Variants in HSD17B12 observed in about 807,000 individuals in gnomAD.
HSD17B12 encodes very-long-chain 3-oxoacyl-CoA reductase.
In HSD17B12, 32 loss-of-function variants were observed where a neutral mutation model predicts 39.3. The observed-to-expected ratio is 0.81, with a 90% CI of 0.61 to 1.09. The LOEUF (loss-of-function observed/expected upper bound fraction) is 1.09. Ranked by LOEUF, HSD17B12 falls within the 50% of genes least tolerant of loss-of-function variation. The pLI is 0.00. For missense variants in HSD17B12, 342 were observed against 382.9 expected, an observed-to-expected ratio of 0.89 and a Z score of 0.89; for synonymous variants, 150 against 146.7, an observed-to-expected ratio of 1.02 and a Z score of -0.16.
intron 1 of HSD17B12, among the ~76,000 whole-genome samples, chr11:43,748,641 A>T (rs1950437915): frequency 6.6e-6 from 1 of 152,236 alleles, no homozygotes; most frequent in Non-Finnish European, 1.5e-5. Flanking sequence ...AACAAAAGTT[A>T]TGAATTGATC....
chr11:43,792,273 T>G (rs962906191), intron 3 of HSD17B12, among the ~76,000 whole-genome samples: 11 of 152,220 alleles, frequency 7.2e-5, no homozygotes, highest in Non-Finnish European at 1.5e-4. Flanking sequence ...TACAAAAGAC[T>G]TGTCTTGCAT....
intron 3 of HSD17B12, among the ~76,000 whole-genome samples, chr11:43,766,793 C>A (rs955748667): frequency 6.6e-6 from 1 of 152,154 alleles, no homozygotes; most frequent in African/African-American, 2.4e-5. Context: ...AGCTTATGGT[C>A]CAATTTTGGC....
intron 4 of HSD17B12, 50 bp downstream of exon 4, chr11:43,798,477 C>A: frequency 1.7e-6 from 2 of 1,187,408 alleles, no homozygotes; most frequent in Non-Finnish European, 2.5e-6. Flanking sequence ...TATTATTTGA[C>A]TTTATGACTT....
At chr11:43,558,563 G>C in the HSD17B12 span, among the ~76,000 whole-genome samples, 204 of 152,196 alleles carry the variant, frequency 1.3e-3, 1 homozygote, top group Middle Eastern at 0.02. Context: ...TGGAACACAG[G>C]GGGAGGAGGG....
chr11:43,623,668 A>G, the HSD17B12 span, among the ~76,000 whole-genome samples: 1 of 152,128 alleles, frequency 6.6e-6, no homozygotes, highest in East Asian at 1.9e-4. Context: ...AAACGCTTTT[A>G]TTTGTTCATA....
At chr11:43,631,040 G>A in the HSD17B12 span, among the ~76,000 whole-genome samples, 5 of 152,098 alleles carry the variant, frequency 3.3e-5, no homozygotes, top group Non-Finnish European at 7.4e-5. Context: ...CCTGACCTCA[G>A]GTGAACCGCC....
chr11:43,768,135 C>A (rs1292903759), intron 3 of HSD17B12, among the ~76,000 whole-genome samples: 3 of 152,162 alleles, frequency 2.0e-5, no homozygotes, highest in Admixed American at 6.5e-5. Context: ...TGACTCCATG[C>A]TTTTAAGTGT....
intron 3 of HSD17B12, among the ~76,000 whole-genome samples, chr11:43,787,750 A>AT (rs972256486): frequency 5.6e-5 from 8 of 141,816 alleles, no homozygotes; most frequent in Non-Finnish European, 1.2e-4. Flanking sequence ...AAAAAAAAAA[A>AT]ATAATAATAA....
At chr11:43,596,422 C>A in the HSD17B12 span, among the ~76,000 whole-genome samples, 1 of 151,704 alleles carries the variant, frequency 6.6e-6, no homozygotes, top group Non-Finnish European at 1.5e-5. Context: ...TTTCTTTTTT[C>A]TTCTTTTTTG....
chr11:43,637,332 T>C, the HSD17B12 span, among the ~76,000 whole-genome samples: 1 of 149,786 alleles, frequency 6.7e-6, no homozygotes, highest in Non-Finnish European at 1.5e-5. Context: ...GCGATTCTCC[T>C]GCCTCAGCCT....
chr11:43,639,615 A>G, the HSD17B12 span, among the ~76,000 whole-genome samples: 1 of 152,004 alleles, frequency 6.6e-6, no homozygotes, highest in Non-Finnish European at 1.5e-5. Flanking sequence ...CATAGAAGGA[A>G]CCTCTGCTTA....
chr11:43,818,335 T>C (rs1951149668), intron 6 of HSD17B12, among the ~76,000 whole-genome samples: 1 of 152,192 alleles, frequency 6.6e-6, no homozygotes, highest in Non-Finnish European at 1.5e-5. Flanking sequence ...GTTATAGTCA[T>C]GTCACATGTA....
rs148479346 is a variant in HSD17B12 at position 43,709,970 on chromosome 11, G to C, written c.160+28983G>C. ...AACTCTGGGCTGGGGAATGGAGCCA[G>C]GTTTAGGGGATGCTAGACTGCCTGT... is the stretch of plus-strand genomic sequence containing the variant. On this transcript the variant is annotated intron_variant, in intron 1 of 10. Transcript: ENST00000278353. Among the ~76,000 whole-genome samples the C allele has an allele frequency of 5.1e-4, 78 of 152,318 alleles. 1 individual carries two copies. In the East Asian group the frequency reaches 0.014, roughly 27 times the overall value.
At chr11:43,568,694 G>A in the HSD17B12 span, among the ~76,000 whole-genome samples, 366 of 152,280 alleles carry the variant, frequency 2.4e-3, 3 homozygotes, top group Non-Finnish European at 3.0e-3. Context: ...TTTTGTTTAG[G>A]GGCAAATGGC....
chr11:43,846,040 A>C (rs1440709646), intron 9 of HSD17B12, among the ~76,000 whole-genome samples: 3 of 152,246 alleles, frequency 2.0e-5, no homozygotes, highest in Non-Finnish European at 4.4e-5. Context: ...TGCATTGGTC[A>C]TCGGTGTGCC....
intron 3 of HSD17B12, among the ~76,000 whole-genome samples, chr11:43,773,628 A>G (rs944156275): frequency 7.2e-5 from 11 of 152,186 alleles, no homozygotes; most frequent in Non-Finnish European, 1.6e-4. Flanking sequence ...GTGTCCCCAT[A>G]TGTATGCAGC....
At chr11:43,657,857 A>G in the HSD17B12 span, among the ~76,000 whole-genome samples, 7 of 152,130 alleles carry the variant, frequency 4.6e-5, 1 homozygote, top group Admixed American at 3.3e-4. Flanking sequence ...TTTCAACTTC[A>G]GTGAATCTGA....
chr11:43,772,473 C>A (rs2134989677), intron 3 of HSD17B12, among the ~76,000 whole-genome samples: 1 of 152,244 alleles, frequency 6.6e-6, no homozygotes, highest in East Asian at 1.9e-4. Flanking sequence ...TTTCTCTTGG[C>A]ACAATTACAA....
chr11:43,758,221 G>C (rs1326116861), intron 3 of HSD17B12, among the ~76,000 whole-genome samples: 1 of 152,102 alleles, frequency 6.6e-6, no homozygotes, highest in African/African-American at 2.4e-5. Context: ...TGTCAGTGAG[G>C]GATATTTGAG....
Sources: gnomAD v4.1 joint callset for allele counts (sites outside exome capture counted in the v4.1 genomes callset) on GRCh38, gnomAD v4.1.1 for gene constraint, MANE v1.5 for transcripts, NCBI Gene and HGNC (gene_info 2026-07-23, HGNC 2026-07-21) for gene names.